The following RP1 variants were observed in gnomAD, a reference collection of about 807,000 sequenced individuals.
RP1 encodes oxygen-regulated protein 1.
In RP1, 16 loss-of-function variants were observed where a neutral mutation model predicts 14.8. That is an observed-to-expected ratio of 1.08 (90% CI 0.73 to 1.65). RP1 has a LOEUF of 1.65. RP1 is among the 40% of genes most tolerant of loss of function. The pLI is 0.00. For missense variants in RP1, 2,631 were observed against 2,535.0 expected (o/e 1.04, Z -0.81); for synonymous variants, 876 against 883.6 (o/e 0.99, Z 0.15).
At chr8:54,666,895 A>G (rs1181480267) in intron 7 of RP1, among the ~76,000 whole-genome samples, 2 of 151,952 alleles carry the variant, frequency 1.3e-5, no homozygotes, top group African/African-American at 2.4e-5. Flanking sequence ...TTGGATAGCA[A>G]CCATAAAAGT....
intron 7 of RP1, among the ~76,000 whole-genome samples, chr8:54,673,258 G>C (rs759527291): frequency 5.9e-5 from 9 of 151,856 alleles, no homozygotes; most frequent in Non-Finnish European, 1.2e-4. Flanking sequence ...ACTATACAAA[G>C]GTTATTTTTT....
intron 1 of RP1, among the ~76,000 whole-genome samples, chr8:54,595,610 A>C (rs1388399088): frequency 6.6e-6 from 1 of 152,346 alleles, no homozygotes; most frequent in East Asian, 1.9e-4. Context: ...GGCTGCTTCC[A>C]ATAATTTATT....
At chr8:54,634,898 G>A (rs928211002), downstream of RP1, among the ~76,000 whole-genome samples, 2 of 152,096 alleles carry the variant, frequency 1.3e-5, no homozygotes, top group Non-Finnish European at 2.9e-5. Context: ...TGGCGAACAC[G>A]TTGAAACTCC....
chr8:54,629,506 G>T lies in RP1; in HGVS notation c.5624G>T (p.Gly1875Val), dbSNP rs150728667. 1.2e-6 allele frequency: 2 copies of T among 1,614,014 alleles called. No individual in the cohort carries two copies. The highest frequency in any genetic ancestry group is 8.5e-7 in the Non-Finnish European group (1 of 1,179,986). Reference protein sequence around the residue: ...TSVTHSFISAGNKVYPVSDDA... With the variant: ...TSVTHSFISAVNKVYPVSDDA... ...GTCACTCATTCCTTTATTTCTGCTGGTAACAAAGTCTACCCTGTCTCTGAT... is the reference window on the plus strand; with the variant it reads ...GTCACTCATTCCTTTATTTCTGCTGTTAACAAAGTCTACCCTGTCTCTGAT... The change falls in exon 4 of 4, where the codon GGT (glycine) becomes GTT (valine). Residue 1875 changes from glycine (G) to valine (V), a missense_variant. Gly to Val is a moderately radical substitution (Grantham distance 109). Transcript: ENST00000220676.
At chr8:54,734,775 T>C (rs915982805) in intron 18 of RP1, 1 of 1,496,032 alleles carries the variant, frequency 6.7e-7, no homozygotes, top group African/African-American at 1.4e-5. Flanking sequence ...TATTTTCCTG[T>C]GAACATTTCA....
intron 25 of RP1, among the ~76,000 whole-genome samples, chr8:54,841,032 A>T (rs1404404832): frequency 6.6e-6 from 1 of 152,204 alleles, no homozygotes; most frequent in African/African-American, 2.4e-5. Context: ...AATATTCAGG[A>T]ATTAAACAGA....
At chr8:54,611,887 C>CCCTT (rs370167305), upstream of RP1, among the ~76,000 whole-genome samples, 1,297 of 132,326 alleles carry the variant, frequency 9.8e-3, 20 homozygotes, top group African/African-American at 0.025. Flanking sequence ...CTCCCTCTCT[C>CCCTT]CCTTCCTTCC....
intron 17 of RP1, among the ~76,000 whole-genome samples, chr8:54,732,237 A>G (rs1808810788): frequency 6.6e-6 from 1 of 152,168 alleles, no homozygotes; most frequent in African/African-American, 2.4e-5. Context: ...TACATCCAGC[A>G]CTAAGGTTTC....
At chr8:54,595,473 T>G (rs1465859609) in intron 1 of RP1, among the ~76,000 whole-genome samples, 2 of 152,166 alleles carry the variant, frequency 1.3e-5, no homozygotes, top group Non-Finnish European at 2.9e-5. Context: ...AACTGCTTGG[T>G]TAGAATGAGA....
rs1327160454 is a variant in RP1, at chr8:54,566,366, C to G, written c.-13+7046C>G. Among the ~76,000 whole-genome samples, 6 of 152,124 alleles carry G rather than the reference C, an allele frequency of 3.9e-5. No individual in the cohort carries two copies. In the East Asian group the frequency reaches 7.7e-4, roughly 20 times the overall value. On this transcript the variant is annotated intron_variant, in intron 1 of 22. Transcript: ENST00000636932. ...GGCAGTGAGCTGACCCCAAGCTATT[C>G]TAGAGGTTGGTGAAAGTTAAAGTTT...
intron 1 of RP1, among the ~76,000 whole-genome samples, chr8:54,593,770 C>T (rs1474599363): frequency 2.0e-5 from 3 of 152,230 alleles, no homozygotes; most frequent in Non-Finnish European, 4.4e-5. Flanking sequence ...ACCAGTGGAA[C>T]TCATATCAGG....
At chr8:54,689,355 T>A (rs1807651254) in intron 12 of RP1, among the ~76,000 whole-genome samples, 1 of 152,156 alleles carries the variant, frequency 6.6e-6, no homozygotes, top group Non-Finnish European at 1.5e-5. Flanking sequence ...CTATGTTGAA[T>A]AGGAGTGGTG....
intron 12 of RP1, among the ~76,000 whole-genome samples, chr8:54,693,648 T>C (rs1563349675): frequency 6.6e-6 from 1 of 152,194 alleles, no homozygotes; most frequent in Non-Finnish European, 1.5e-5. Context: ...AGAATGCTTG[T>C]GATTTTTGTA....
At chr8:54,684,589 T>G (rs1202141547) in intron 12 of RP1, among the ~76,000 whole-genome samples, 1 of 152,186 alleles carries the variant, frequency 6.6e-6, no homozygotes, top group Non-Finnish European at 1.5e-5. Flanking sequence ...ATTTTCTAGT[T>G]TGTGTACATA....
At chr8:54,571,181 G>A (rs1032208682) in intron 1 of RP1, among the ~76,000 whole-genome samples, 8 of 152,144 alleles carry the variant, frequency 5.3e-5, no homozygotes, top group African/African-American at 9.7e-5. Context: ...TACTCTGTTG[G>A]GTGCTAAATC....
At chr8:54,622,959 C>T (rs1198704650) in intron 3 of RP1, among the ~76,000 whole-genome samples, 2 of 152,166 alleles carry the variant, frequency 1.3e-5, no homozygotes, top group South Asian at 2.1e-4. Context: ...TCATTATACT[C>T]AGTATTTCCA....
chr8:54,644,194 G>A (rs146517016), intron 3 of RP1, among the ~76,000 whole-genome samples: 99 of 152,224 alleles, frequency 6.5e-4, no homozygotes, highest in African/African-American at 2.3e-3. Context: ...CCAAAAGGAA[G>A]AAACTGAAAG....
At chr8:54,827,507 T>A (rs1301254157) in intron 24 of RP1, among the ~76,000 whole-genome samples, 1 of 152,090 alleles carries the variant, frequency 6.6e-6, no homozygotes, top group Non-Finnish European at 1.5e-5. Context: ...TTTTAAATGT[T>A]TTTCTAGAGA....
chr8:54,795,389 C>T (rs1006097501), intron 24 of RP1, among the ~76,000 whole-genome samples: 1 of 151,982 alleles, frequency 6.6e-6, no homozygotes, highest in African/African-American at 2.4e-5. Context: ...CCTAAAAACC[C>T]TAATACAGGT....
Sources: allele counts gnomAD v4.1 joint callset (sites outside exome capture counted in the v4.1 genomes callset), GRCh38; gene constraint gnomAD v4.1.1; transcripts MANE v1.5; gene names NCBI Gene and HGNC (gene_info 2026-07-23, HGNC 2026-07-21).